The following ADAMTSL3 variants were observed in gnomAD, a reference collection of about 807,000 sequenced individuals.
ADAMTSL3 encodes ADAMTS like 3, also known as ADAMTS-like protein 3.
In ADAMTSL3, 128 loss-of-function variants were observed where a neutral mutation model predicts 201.7. That is an observed-to-expected ratio of 0.63 (90% CI 0.55 to 0.73). The LOEUF (loss-of-function observed/expected upper bound fraction) is 0.73. Among genes scored for constraint, ADAMTSL3 ranks in the 30% least tolerant of loss-of-function variants. The pLI is 0.00. For missense variants in ADAMTSL3, 1,990 were observed against 2,119.6 expected (o/e 0.94, Z 1.20); for synonymous variants, 738 against 748.4 (o/e 0.99, Z 0.23).
intron 7 of ADAMTSL3, among the ~76,000 whole-genome samples, chr15:83,858,196 C>T (rs1486942817): frequency 6.6e-6 from 1 of 152,152 alleles, no homozygotes; most frequent in Non-Finnish European, 1.5e-5. Flanking sequence ...AGATTTGGCC[C>T]AGGGGCCACA....
chr15:83,904,366 C>A (rs1487222703), intron 15 of ADAMTSL3, among the ~76,000 whole-genome samples: 1 of 152,120 alleles, frequency 6.6e-6, no homozygotes, highest in African/African-American at 2.4e-5. Context: ...GCTTCCAGTG[C>A]ATCCTTTTAT....
intron 3 of ADAMTSL3, among the ~76,000 whole-genome samples, chr15:83,706,484 C>G (rs1226230884): frequency 1.3e-5 from 2 of 152,108 alleles, no homozygotes; most frequent in Non-Finnish European, 2.9e-5. Context: ...TAATTTGAGA[C>G]TATAACAAGC....
At chr15:83,663,099 ACC>A (rs1207412530) in intron 2 of ADAMTSL3, among the ~76,000 whole-genome samples, 1 of 152,094 alleles carries the variant, frequency 6.6e-6, no homozygotes, top group African/African-American at 2.4e-5. Flanking sequence ...AGTCTACCTG[ACC>A]CATAGGAAAT....
intron 2 of ADAMTSL3, among the ~76,000 whole-genome samples, chr15:83,682,729 C>T (rs755240817): frequency 2.0e-5 from 3 of 152,184 alleles, no homozygotes; most frequent in Non-Finnish European, 2.9e-5. Flanking sequence ...CTTGGCTTGG[C>T]CTGAATCACA....
intron 19 of ADAMTSL3, among the ~76,000 whole-genome samples, chr15:83,965,919 G>C (rs549691396): frequency 2.4e-3 from 367 of 152,268 alleles, no homozygotes; most frequent in African/African-American, 8.7e-3. Context: ...TGAAGAACCT[G>C]CTCCTGAATG....
intron 3 of ADAMTSL3, chr15:83,739,999 A>C (rs138634657): frequency 2.4e-6 from 1 of 419,552 alleles, no homozygotes; most frequent in South Asian, 2.1e-5. Context: ...CCTGGAACCC[A>C]TGGCTGTTGA....
chr15:83,781,802 C>T (rs1167798283), intron 4 of ADAMTSL3, among the ~76,000 whole-genome samples: 1 of 151,780 alleles, frequency 6.6e-6, no homozygotes, highest in Non-Finnish European at 1.5e-5. Context: ...AAGACGTGGC[C>T]AAAAGTCATA....
intron 3 of ADAMTSL3, among the ~76,000 whole-genome samples, chr15:83,768,684 C>G (rs764884225): frequency 1.9e-4 from 29 of 152,326 alleles, no homozygotes; most frequent in Non-Finnish European, 3.7e-4. Context: ...GAAGCAGGTT[C>G]TGTTTCACTG....
At chr15:83,705,461 A>G (rs1371220911) in intron 3 of ADAMTSL3, among the ~76,000 whole-genome samples, 1 of 152,190 alleles carries the variant, frequency 6.6e-6, no homozygotes, top group East Asian at 1.9e-4. Context: ...TGCAAAAGAC[A>G]GTACTCAAAA....
intron 4 of ADAMTSL3, among the ~76,000 whole-genome samples, chr15:83,789,248 CT>C (rs1473597011): frequency 2.6e-5 from 4 of 152,054 alleles, no homozygotes; most frequent in African/African-American, 9.7e-5. Context: ...TATTTTATCT[CT>C]TTCTATACAT....
chr15:83,917,703 GTA>G (rs2066062951), intron 16 of ADAMTSL3, among the ~76,000 whole-genome samples: 3 of 152,178 alleles, frequency 2.0e-5, no homozygotes, highest in Admixed American at 6.5e-5. Flanking sequence ...CAGGCTAGGA[GTA>G]TATATATGGA....
intron 2 of ADAMTSL3, among the ~76,000 whole-genome samples, chr15:83,688,749 T>TACACACACACAC (rs1157433275): frequency 0.013 from 637 of 48,934 alleles, 9 homozygotes; most frequent in African/African-American, 0.04. Flanking sequence ...TACACATGCA[T>TACACACACACAC]ATATATACAC....
intron 17 of ADAMTSL3, among the ~76,000 whole-genome samples, chr15:83,935,113 A>G (rs1238289304): frequency 1.3e-5 from 2 of 152,236 alleles, no homozygotes; most frequent in East Asian, 3.9e-4. Flanking sequence ...TGTTGGTTGC[A>G]GGGAAAGTCC....
At chr15:83,794,134 T>C (rs2063386359) in intron 4 of ADAMTSL3, among the ~76,000 whole-genome samples, 1 of 152,160 alleles carries the variant, frequency 6.6e-6, no homozygotes, top group African/African-American at 2.4e-5. Flanking sequence ...CCTATCAGAA[T>C]AGCTTTCAAA....
At chr15:83,956,208 A>T (rs758462915) in intron 19 of ADAMTSL3, among the ~76,000 whole-genome samples, 1 of 152,094 alleles carries the variant, frequency 6.6e-6, no homozygotes, top group African/African-American at 2.4e-5. Context: ...ACTGAGTTCA[A>T]TGCAAAGTCC....
At chr15:83,699,825 T>C (rs1423560963) in intron 2 of ADAMTSL3, among the ~76,000 whole-genome samples, 2 of 152,222 alleles carry the variant, frequency 1.3e-5, no homozygotes, top group African/African-American at 4.8e-5. Context: ...TCCTCCTGTT[T>C]GAGGTATCAT....
At chr15:83,939,250 CTT>C (rs575287197) in intron 17 of ADAMTSL3, among the ~76,000 whole-genome samples, 1 of 147,142 alleles carries the variant, frequency 6.8e-6, no homozygotes, top group Non-Finnish European at 1.5e-5. Flanking sequence ...AGTTCTTCTT[CTT>C]TTTTTTTTGA....
chr15:84,029,613 G>C (rs957209317), intron 27 of ADAMTSL3, among the ~76,000 whole-genome samples: 1 of 146,660 alleles, frequency 6.8e-6, no homozygotes, highest in Non-Finnish European at 1.5e-5. Context: ...TTTGCAGCCT[G>C]AGGATGCAAT....
chr15:83,892,956 C>T, intron 13 of ADAMTSL3, 68 bp downstream of exon 13: 1 of 1,461,568 alleles, frequency 6.8e-7, no homozygotes. Context: ...TATATGCCCA[C>T]CATGGTGCTA....
Sources: allele counts gnomAD v4.1 joint callset (sites outside exome capture counted in the v4.1 genomes callset), GRCh38; gene constraint gnomAD v4.1.1; transcripts MANE v1.5; gene names NCBI Gene and HGNC (gene_info 2026-07-23, HGNC 2026-07-21).